CDH4: variants seen among roughly 807,000 people sequenced by gnomAD.
CDH4 encodes the protein cadherin-4.
In CDH4, 33 loss-of-function variants were observed where a neutral mutation model predicts 86.0. The ratio of observed to expected loss-of-function variants is 0.38; its 90% CI spans 0.29 to 0.51. The LOEUF (loss-of-function observed/expected upper bound fraction) is 0.51, where lower values mean the gene tolerates loss of function less well. Ranked by LOEUF, CDH4 falls within the 20% of genes least tolerant of loss-of-function variation. The pLI is 0.86. For missense variants in CDH4, 1,114 were observed against 1,307.4 expected, an observed-to-expected ratio of 0.85 and a Z score of 2.28; for synonymous variants, 555 against 549.4, an observed-to-expected ratio of 1.01 and a Z score of -0.14.
intron 4 of CDH4, among the ~76,000 whole-genome samples, chr20:61,828,354 C>T (rs1048971540): frequency 4.6e-5 from 7 of 152,188 alleles, no homozygotes; most frequent in East Asian, 1.9e-4. Context: ...TGGATCTTAC[C>T]ACCATGTGTA....
intron 2 of CDH4, among the ~76,000 whole-genome samples, chr20:61,638,881 C>A (rs769366385): frequency 6.6e-6 from 1 of 152,126 alleles, no homozygotes; most frequent in African/African-American, 2.4e-5. Context: ...CTTCAGATTC[C>A]GCACAGTGTA....
intron 2 of CDH4, among the ~76,000 whole-genome samples, chr20:61,276,968 GAT>G (rs1286608132): frequency 6.6e-6 from 1 of 152,236 alleles, no homozygotes. Flanking sequence ...GCTCTATGCA[GAT>G]TAAAGTCCAA....
intron 2 of CDH4, among the ~76,000 whole-genome samples, chr20:61,475,216 C>T (rs913633754): frequency 3.3e-5 from 5 of 152,134 alleles, no homozygotes; most frequent in South Asian, 2.1e-4. Context: ...AGAAATGTGG[C>T]GTCTGTTGAC....
chr20:61,330,152 G>A (rs976087346), intron 2 of CDH4, among the ~76,000 whole-genome samples: 1 of 152,068 alleles, frequency 6.6e-6, no homozygotes, highest in Non-Finnish European at 1.5e-5. Flanking sequence ...GAACATACGC[G>A]TGCATGTATC....
At chr20:61,743,500 TGCCATTGTTACCGCCCTTCTGCTG>T (rs1445047740) in intron 2 of CDH4, 39 bp from the exon 3 acceptor site, 5 of 1,309,386 alleles carry the variant, frequency 3.8e-6, no homozygotes, top group Non-Finnish European at 5.4e-6. Flanking sequence ...GCGTGGTTGC[TGCCATTGTTACCGCCCTTCTGCTG>T]GCCAAGCCGA....
rs2084611376 is a variant in CDH4, at chr20:61,335,322, T to C, written c.169+80385T>C. ...TTCATGTTGTTCAAAAACTTAGGAATAAGCCACAGGTAAAGTATTTAAAGA... is the reference window on the plus strand; with the variant it reads ...TTCATGTTGTTCAAAAACTTAGGAACAAGCCACAGGTAAAGTATTTAAAGA... On this transcript the variant is annotated intron_variant, in intron 2 of 15. Coordinates refer to ENST00000614565, the MANE Select transcript of CDH4 (RefSeq NM_001794.5). 2.0e-5 allele frequency among the ~76,000 whole-genome samples: 3 copies of C among 152,240 alleles called. No homozygotes were observed. In the South Asian group the frequency reaches 6.2e-4, roughly 32 times the overall value.
Position 61,518,986 on chromosome 20 carries a change from T to C in CDH4, c.170-224577T>C, listed in dbSNP as rs73150275. Among the ~76,000 whole-genome samples, 9 of 132,908 alleles carry C rather than the reference T, an allele frequency of 6.8e-5. No individual in the cohort carries two copies. The South Asian group carries it at 1.9e-3, about 28-fold the overall frequency. 87.2% of individuals were successfully genotyped at this position (132,908 alleles called of 152,430 possible). On this transcript the variant is annotated intron_variant, in intron 2 of 15. Transcript: ENST00000614565. The surrounding 1 kb of genome is among the most constrained non-coding windows in gnomAD (Gnocchi z 6.3). ...TATTTATCCATCCATCCATCCTTCATCCATCCATTCATCCATGCATTCCCA... is the reference window on the plus strand; with the variant it reads ...TATTTATCCATCCATCCATCCTTCACCCATCCATTCATCCATGCATTCCCA...
intron 2 of CDH4, among the ~76,000 whole-genome samples, chr20:61,546,787 T>C (rs1193030505): frequency 2.0e-5 from 3 of 152,100 alleles, no homozygotes; most frequent in South Asian, 4.1e-4. Context: ...AGGAATCTGA[T>C]TGGGAGTGTA....
At position 61,619,507 on chromosome 20, in the gene CDH4, G is replaced by A. The variant is rs183988528; in HGVS notation, c.170-124056G>A. 2.4e-4 allele frequency among the ~76,000 whole-genome samples: 36 copies of A among 152,298 alleles called. No homozygotes were observed. The East Asian group carries it at 6.8e-3, about 29-fold the overall frequency. ...TCTCTGAGTTTGGCACAGAGTGAGAGCTTCAGTAGATGTGAACCATCCACT... is the reference window on the plus strand; with the variant it reads ...TCTCTGAGTTTGGCACAGAGTGAGAACTTCAGTAGATGTGAACCATCCACT... On this transcript the variant is annotated intron_variant, in intron 2 of 15. Transcript: ENST00000614565.
At chr20:61,351,275 T>C (rs1212169791) in intron 2 of CDH4, among the ~76,000 whole-genome samples, 3 of 152,228 alleles carry the variant, frequency 2.0e-5, no homozygotes, top group South Asian at 4.1e-4. Flanking sequence ...CACAATACAA[T>C]CTAACAACTG....
intron 2 of CDH4, among the ~76,000 whole-genome samples, chr20:61,662,124 C>A (rs1284692274): frequency 1.3e-5 from 2 of 152,166 alleles, no homozygotes; most frequent in Non-Finnish European, 2.9e-5. Context: ...CAGGCACAGA[C>A]CTCCCCTTTG....
intron 2 of CDH4, among the ~76,000 whole-genome samples, chr20:61,593,875 C>T (rs2086535265): frequency 6.6e-6 from 1 of 151,266 alleles, no homozygotes; most frequent in African/African-American, 2.4e-5. Context: ...AGGGTCCCCC[C>T]AGCAGAACCC....
chr20:61,563,891 G>A (rs1347860683), intron 2 of CDH4, among the ~76,000 whole-genome samples: 6 of 152,302 alleles, frequency 3.9e-5, no homozygotes, highest in South Asian at 2.1e-4. Context: ...CAGGTGATGC[G>A]TGCAGTAGTG....
chr20:61,610,506 G>A (rs1018215986), intron 2 of CDH4, among the ~76,000 whole-genome samples: 3 of 152,164 alleles, frequency 2.0e-5, no homozygotes, highest in Non-Finnish European at 2.9e-5. Flanking sequence ...CTTCCTTTAG[G>A]ATGAGTGCCC....
Position 61,736,927 on chromosome 20 carries a change from G to A in CDH4, c.170-6636G>A, listed in dbSNP as rs564135488. ...GCGGGGGCCAGCCGCATCCCAGCCC[G>A]GAAAGGGGAAGGGGAGACCGGACCA... On this transcript the variant is annotated intron_variant, in intron 2 of 15. Transcript: ENST00000614565. Among the ~76,000 whole-genome samples, 113 of 152,278 alleles carry A rather than the reference G, an allele frequency of 7.4e-4. 3 individuals carry two copies. The South Asian group carries it at 0.021, about 28-fold the overall frequency.
At position 61,501,405 on chromosome 20, in the gene CDH4, GA is replaced by G. The variant is rs2085700007; in HGVS notation, c.170-242154del. 6.6e-6 allele frequency among the ~76,000 whole-genome samples: 1 copy of G among 152,198 alleles called. No individual in the cohort carries two copies. The highest frequency in any genetic ancestry group is 2.4e-5 in the African/African-American group (1 of 41,430). On this transcript the variant is annotated intron_variant, in intron 2 of 15. Transcript: ENST00000614565. The surrounding 1 kb of genome is among the most constrained non-coding windows in gnomAD (Gnocchi z 4.2). The stretch of plus-strand genomic sequence containing the variant: ...GAGTGTGGCCTGCTTGGGAAATGCT[GA>G]AAAGTGTTGGTGTTTACCTGGCTAC...
intron 2 of CDH4, among the ~76,000 whole-genome samples, chr20:61,352,351 T>G (rs2084717795): frequency 6.6e-6 from 1 of 152,184 alleles, no homozygotes; most frequent in Non-Finnish European, 1.5e-5. Flanking sequence ...CGATTAAAAT[T>G]TATTTAGTCA....
intron 2 of CDH4, among the ~76,000 whole-genome samples, chr20:61,605,397 GTC>G (rs2086635506): frequency 6.6e-6 from 1 of 151,342 alleles, no homozygotes; most frequent in African/African-American, 2.4e-5. Flanking sequence ...CTGTCTCTCT[GTC>G]TCTACCTCTC....
chr20:61,653,686 A>G (rs1464490944), intron 2 of CDH4, among the ~76,000 whole-genome samples: 1 of 86,498 alleles, frequency 1.2e-5, no homozygotes, highest in Admixed American at 1.2e-4. Context: ...CCGGGCAGAG[A>G]CGCTCCTCAC....
Sources: gnomAD v4.1 joint callset for allele counts (sites outside exome capture counted in the v4.1 genomes callset) on GRCh38, gnomAD v4.1.1 for gene constraint, Gnocchi (gnomAD v3.1) non-coding constraint, MANE v1.5 for transcripts, NCBI Gene and HGNC (gene_info 2026-07-23, HGNC 2026-07-21) for gene names.